The following CACNA1E variants were observed in gnomAD, a reference collection of about 807,000 sequenced individuals.
The protein encoded by CACNA1E is voltage-dependent R-type calcium channel subunit alpha-1E.
CACNA1E carries 40 observed loss-of-function variants against 259.2 expected under a neutral mutation model. The ratio of observed to expected loss-of-function variants is 0.15; its 90% confidence interval spans 0.12 to 0.20. CACNA1E has a LOEUF of 0.20. Ranked by LOEUF, CACNA1E falls within the 10% of genes least tolerant of loss-of-function variation. The pLI, the probability that CACNA1E is intolerant of heterozygous loss-of-function variation, is 1.00. For synonymous variants in CACNA1E, 1,104 were observed against 1,138.5 expected (o/e 0.97, Z 0.61); for missense variants, 1,874 against 3,040.1 (o/e 0.62, Z 9.02).
intron 1 of CACNA1E, among the ~76,000 whole-genome samples, chr1:181,494,444 T>C (rs773013461): frequency 6.6e-6 from 1 of 152,078 alleles, no homozygotes; most frequent in Non-Finnish European, 1.5e-5. Context: ...TCTCATTCAG[T>C]TTAATTTTTG....
At chr1:181,757,163 G>A in intron 30 of CACNA1E, 37 bp downstream of exon 30, 4 of 1,462,766 alleles carry the variant, frequency 2.7e-6, no homozygotes, top group Non-Finnish European at 3.8e-6. Flanking sequence ...AGCAGCAGAG[G>A]CTCCAGAAAG....
At chr1:181,427,800 C>T (rs1424148059) in intron 2 of CACNA1E, among the ~76,000 whole-genome samples, 4 of 146,454 alleles carry the variant, frequency 2.7e-5, no homozygotes, top group Non-Finnish European at 4.5e-5. Flanking sequence ...CCTCCCTCCT[C>T]CCCTTCCCTC....
intron 25 of CACNA1E, among the ~76,000 whole-genome samples, chr1:181,742,578 T>C (rs1335324514): frequency 6.6e-6 from 1 of 152,178 alleles, no homozygotes; most frequent in African/African-American, 2.4e-5. Flanking sequence ...CATCTTTCTG[T>C]GGCTCCTCAG....
chr1:181,608,806 G>A (rs936557118), intron 6 of CACNA1E, among the ~76,000 whole-genome samples: 2 of 152,156 alleles, frequency 1.3e-5, no homozygotes, highest in African/African-American at 4.8e-5. Context: ...CTCTGCTACT[G>A]TCACTGCTGC....
intron 6 of CACNA1E, among the ~76,000 whole-genome samples, chr1:181,620,194 A>C (rs1268242178): frequency 6.6e-6 from 1 of 152,158 alleles, no homozygotes; most frequent in Non-Finnish European, 1.5e-5. Context: ...ATGTAGAGCA[A>C]GTATGTGTTA....
At chr1:181,534,054 A>G (rs1241744385) in intron 3 of CACNA1E, among the ~76,000 whole-genome samples, 3 of 151,952 alleles carry the variant, frequency 2.0e-5, no homozygotes, top group African/African-American at 4.8e-5. Flanking sequence ...TCTTTTTCTT[A>G]TCTTATTGCC....
At chr1:181,351,280 C>T (rs1653024160) in intron 1 of CACNA1E, among the ~76,000 whole-genome samples, 1 of 152,118 alleles carries the variant, frequency 6.6e-6, no homozygotes, top group Non-Finnish European at 1.5e-5. Context: ...TCTCAGCCAC[C>T]TCAGCATCTA....
At chr1:181,723,525 T>C (rs1654604321) in intron 16 of CACNA1E, among the ~76,000 whole-genome samples, 1 of 152,152 alleles carries the variant, frequency 6.6e-6, no homozygotes, top group South Asian at 2.1e-4. Flanking sequence ...TGGATACTAA[T>C]TGGTGTCCTC....
At chr1:181,354,291 A>T (rs1000169006) in intron 1 of CACNA1E, among the ~76,000 whole-genome samples, 2 of 152,182 alleles carry the variant, frequency 1.3e-5, no homozygotes, top group Non-Finnish European at 2.9e-5. Context: ...AGCAAGAGAG[A>T]TCATAAGCAA....
intron 3 of CACNA1E, among the ~76,000 whole-genome samples, chr1:181,548,488 T>C (rs1447575053): frequency 6.6e-6 from 1 of 152,224 alleles, no homozygotes; most frequent in Non-Finnish European, 1.5e-5. Context: ...ATGAACAGAC[T>C]CCTGCCTCCT....
In CACNA1E at chr1:181,758,823, G is replaced by C; in HGVS notation, c.4560G>C (p.Val1520=). The C allele has an allele frequency of 6.2e-7, 1 of 1,613,102 alleles. No individual in the cohort carries two copies. Among genetic ancestry groups the C allele is most frequent in the South Asian group, 1.1e-5 (1 of 91,060 alleles). ...ACCTGAATATCGCCTTCACCATGGT[G>C]TTTTCCCTGGAATGTGTCCTGAAGG... The part of the protein sequence containing the change: ...LKYLNIAFTM[V]FSLECVLKVI... The change falls in exon 32 of 48, where the codon GTG becomes GTC. Residue 1520 remains valine, a synonymous_variant. Transcript: ENST00000367573. The surrounding 1 kb of genome is among the most constrained non-coding windows in gnomAD (Gnocchi z 4.2).
chr1:181,688,051 A>G (rs1461449887), intron 7 of CACNA1E, among the ~76,000 whole-genome samples: 1 of 152,158 alleles, frequency 6.6e-6, no homozygotes, highest in Non-Finnish European at 1.5e-5. Context: ...ATATATATAT[A>G]TTACATATGG....
chr1:181,602,393 T>C (rs1653830831), intron 6 of CACNA1E, among the ~76,000 whole-genome samples: 1 of 152,006 alleles, frequency 6.6e-6, no homozygotes, highest in South Asian at 2.1e-4. Flanking sequence ...ATTATATTGG[T>C]TGAGCATCCC....
At chr1:181,431,637 A>G (rs1445237982) in intron 2 of CACNA1E, among the ~76,000 whole-genome samples, 1 of 152,176 alleles carries the variant, frequency 6.6e-6, no homozygotes, top group East Asian at 1.9e-4. Context: ...AGGGAAACTC[A>G]GCCATTTCCA....
At chr1:181,421,334 C>T (rs773898310) in intron 2 of CACNA1E, among the ~76,000 whole-genome samples, 3 of 152,272 alleles carry the variant, frequency 2.0e-5, no homozygotes, top group Admixed American at 6.5e-5. Context: ...CAAAGTTTGA[C>T]CACATTTATT....
At chr1:181,757,265 G>C (rs2102690641) in intron 30 of CACNA1E, 139 bp downstream of exon 30, 1 of 650,678 alleles carries the variant, frequency 1.5e-6, no homozygotes, top group Non-Finnish European at 2.6e-6. Flanking sequence ...TAACTATTCA[G>C]CCATTAAATA....
At chr1:181,465,685 C>A (rs981322971) in intron 2 of CACNA1E, among the ~76,000 whole-genome samples, 1 of 152,030 alleles carries the variant, frequency 6.6e-6, no homozygotes, top group African/African-American at 2.4e-5. Context: ...GCCACTTTTT[C>A]AAATTATCTT....
At chr1:181,647,224 A>T (rs1000096181) in intron 6 of CACNA1E, among the ~76,000 whole-genome samples, 1 of 152,094 alleles carries the variant, frequency 6.6e-6, no homozygotes, top group Non-Finnish European at 1.5e-5. Flanking sequence ...CTTTGCAGGG[A>T]GGGCCCTGGT....
intron 18 of CACNA1E, among the ~76,000 whole-genome samples, chr1:181,730,495 G>C (rs1655362758): frequency 6.6e-6 from 1 of 152,194 alleles, no homozygotes; most frequent in South Asian, 2.1e-4. Flanking sequence ...TCTGTACAAG[G>C]CTAAGAAGGT....
Sources: allele counts gnomAD v4.1 joint callset (sites outside exome capture counted in the v4.1 genomes callset), GRCh38; gene constraint gnomAD v4.1.1; non-coding constraint Gnocchi (gnomAD v3.1); transcripts MANE v1.5; gene names NCBI Gene and HGNC (gene_info 2026-07-23, HGNC 2026-07-21).